Variants in ACBD4 observed in about 807,000 individuals in gnomAD.
ACBD4 encodes acyl-CoA-binding domain-containing protein 4.
ACBD4 carries 41 observed loss-of-function variants against 46.0 expected under a neutral mutation model. The observed-to-expected ratio is 0.89, with a 90% CI of 0.69 to 1.16. ACBD4 has a LOEUF of 1.16. Ranked by LOEUF, ACBD4 falls within the 50% of genes most tolerant of loss-of-function variation. The pLI is 0.00. For missense variants in ACBD4, 393 were observed against 399.5 expected (o/e 0.98, Z 0.14); for synonymous variants, 162 against 155.9 (o/e 1.04, Z -0.29).
Position 45,136,932 on chromosome 17 carries a change from G to T in ACBD4, c.295-87G>T, listed in dbSNP as rs765507806. The T allele has an allele frequency of 1.8e-4, 290 of 1,601,662 alleles. No homozygotes were observed. The highest frequency in any genetic ancestry group is 9.7e-4 in the Middle Eastern group (5 of 5,138). On this transcript the variant is annotated intron_variant, in intron 4 of 9. Transcript: ENST00000321854. ...CTGCCTATCTTTGGCCCCTGACTGG[G>T]CACAGGGTGGAGGTGTGTGACAGGG... is the stretch of plus-strand genomic sequence containing the variant.
chr17:45,138,026 T>C (rs749170866), intron 8 of ACBD4, 38 bp downstream of exon 8: 7 of 1,583,478 alleles, frequency 4.4e-6, no homozygotes, highest in Non-Finnish European at 6.0e-6. Flanking sequence ...CTTCTGCCCT[T>C]TCCCGTGGTC....
At chr17:45,132,449 C>T (rs924064104), upstream of ACBD4, 4 of 1,165,310 alleles carry the variant, frequency 3.4e-6, no homozygotes, top group African/African-American at 3.2e-5. The surrounding 1 kb of genome is among the most constrained non-coding windows in gnomAD (Gnocchi z 4.6). Context: ...GGGGTCTGCA[C>T]GCGGGGACAG....
rs200890764 is a variant in ACBD4 at position 45,137,085 on chromosome 17, C to T, written c.361C>T (p.Gln121Ter). 3.1e-6 allele frequency: 5 copies of T among 1,614,124 alleles called. No individual in the cohort carries two copies. The East Asian group carries it at 1.1e-4, about 36-fold the overall frequency. The change falls in exon 5 of 10, where the codon CAG (glutamine) becomes TAG (stop). Residue 121 changes from glutamine to a stop codon, truncating the protein, a stop_gained. Coordinates refer to ENST00000321854, the MANE Select transcript of ACBD4 (RefSeq NM_001135705.3). LOFTEE classifies it high-confidence loss of function. ...DMFGYFEPLY[Q>*]VIPDMPRPPE... Reference sequence around the variant, plus strand: ...GTTTGGTTACTTCGAGCCCCTGTACCAGGTGATCCCTGACATGCCGAGGCC... The same window carrying T: ...GTTTGGTTACTTCGAGCCCCTGTACTAGGTGATCCCTGACATGCCGAGGCC...
chr17:45,137,039 G>C lies in ACBD4; in HGVS notation c.315G>C (p.Leu105=). The C allele has an allele frequency of 1.2e-6, 2 of 1,614,146 alleles. No homozygotes were observed. The highest frequency in any genetic ancestry group is 1.7e-6 in the Non-Finnish European group (2 of 1,180,022). ...VAQKVIDTVP[L]GEVAEDMFGY... is the part of the protein sequence containing the mutation. Reference sequence around the variant, plus strand: ...TACAGGTGATCGACACAGTGCCCCTGGGTGAGGTGGCAGAGGACATGTTTG... The same window carrying C: ...TACAGGTGATCGACACAGTGCCCCTCGGTGAGGTGGCAGAGGACATGTTTG... The change falls in exon 5 of 10, where the codon CTG becomes CTC. Residue 105 remains leucine (L), a synonymous_variant. Transcript: ENST00000321854.
intron 8 of ACBD4, among the ~76,000 whole-genome samples, 172 bp from the exon 9 acceptor site, chr17:45,138,849 A>G (rs1001777184): frequency 3.3e-5 from 5 of 152,108 alleles, no homozygotes; most frequent in African/African-American, 9.7e-5. Context: ...CTGGGATTAA[A>G]CCCATAGCAG....
Position 45,136,094 on chromosome 17 carries a change from G to C in ACBD4, c.-37-14G>C. On this transcript the variant is annotated splice_polypyrimidine_tract_variant and intron_variant, in intron 1 of 9. Coordinates refer to ENST00000321854, the MANE Select transcript of ACBD4 (RefSeq NM_001135705.3). ...ACCCTGGAGGCCCCCTCACACGAAG[G>C]CTGCTTCTTGCAGAGTCGCTCAAAA... The C allele has an allele frequency of 6.3e-7, 1 of 1,597,212 alleles. No homozygotes were observed. The highest frequency in any genetic ancestry group is 8.5e-7 in the Non-Finnish European group (1 of 1,170,764).
In ACBD4 at chr17:45,137,279, A is replaced by T. The variant is rs1205645777; in HGVS notation, c.416-89A>T. 1.9e-6 allele frequency: 3 copies of T among 1,600,172 alleles called. No individual in the cohort carries two copies. In the East Asian group the frequency reaches 6.7e-5, roughly 36 times the overall value. ...CCCCGAGAGGTGGATCCCAGGCAGC[A>T]TCCACGGCTCATCACGAGTAGGGGC... On this transcript the variant is annotated intron_variant, in intron 5 of 9. Coordinates refer to ENST00000321854, the MANE Select transcript of ACBD4 (RefSeq NM_001135705.3).
At chr17:45,141,043 CA>C (rs1367178157) in intron 9 of ACBD4, among the ~76,000 whole-genome samples, 2 of 152,194 alleles carry the variant, frequency 1.3e-5, no homozygotes, top group African/African-American at 4.8e-5. Flanking sequence ...CCATATCTCT[CA>C]AAATAAGAAC....
intron 9 of ACBD4, 107 bp downstream of exon 9, chr17:45,139,267 C>A: frequency 8.8e-7 from 1 of 1,142,372 alleles, no homozygotes; most frequent in East Asian, 2.5e-5. Flanking sequence ...CACCTGCCCA[C>A]ATCTCTCTCC....
chr17:45,137,437 C>T lies in ACBD4; in HGVS notation c.485C>T (p.Pro162Leu), dbSNP rs377135057. 3.5e-4 allele frequency: 568 copies of T among 1,614,000 alleles called. 5 individuals are homozygous for T. In the South Asian group the frequency reaches 4.5e-3, roughly 13 times the overall value. Residue 162 changes from proline (P) to leucine (L), a missense_variant, in exon 6 of 10, where the codon CCG (proline) becomes CTG (leucine). Coordinates refer to ENST00000321854, the MANE Select transcript of ACBD4 (RefSeq NM_001135705.3). ...VSEPPCLPKE[P>L]APPSPESHSP... Reference sequence around the variant, plus strand: ...GAGCCTCCCTGCCTCCCCAAGGAACCGGCACCCCCAAGCCCAGGTTAGTGC... The same window carrying T: ...GAGCCTCCCTGCCTCCCCAAGGAACTGGCACCCCCAAGCCCAGGTTAGTGC...
chr17:45,136,861 C>G, intron 4 of ACBD4, 85 bp downstream of exon 4: 1 of 1,586,068 alleles, frequency 6.3e-7, no homozygotes, highest in Non-Finnish European at 8.6e-7. Flanking sequence ...GTTTCCTACA[C>G]ATGGACCCCC....
At chr17:45,133,573 C>G (rs1310346096), upstream of ACBD4, among the ~76,000 whole-genome samples, 1 of 130,924 alleles carries the variant, frequency 7.6e-6, no homozygotes, top group East Asian at 2.2e-4. Flanking sequence ...GCTCCGTCGC[C>G]CAGGCTGGAG....
intron 2 of ACBD4, 133 bp from the exon 3 acceptor site, chr17:45,136,367 T>G: frequency 6.8e-7 from 1 of 1,463,694 alleles, no homozygotes. Flanking sequence ...TTCCCTCCGC[T>G]TCCTATCCTA....
chr17:45,136,645 A>G lies in ACBD4; in HGVS notation c.209+25A>G. ...GGTGAGCTCCCTGCTGGCTGGGCAG[A>G]CAAGCCTCAGCTGTCAAGCAGCCCT... On this transcript the variant is annotated intron_variant, in intron 3 of 9. Transcript: ENST00000321854. 6.2e-7 allele frequency: 1 copy of G among 1,613,832 alleles called. No homozygotes were observed. Among genetic ancestry groups the G allele is most frequent in the Non-Finnish European group, 8.5e-7 (1 of 1,179,888 alleles).
chr17:45,137,573 T>G, intron 6 of ACBD4, 119 bp downstream of exon 6: 13 of 1,388,342 alleles, frequency 9.4e-6, no homozygotes, highest in Non-Finnish European at 1.2e-5. Flanking sequence ...CTCCCAAAGG[T>G]GGGGACCGGG....
chr17:45,137,148 C>T lies in ACBD4; in HGVS notation c.415+9C>T. 1 of 1,614,032 alleles carries T rather than the reference C, an allele frequency of 6.2e-7. No individual in the cohort carries two copies. Among genetic ancestry groups the T allele is most frequent in the Non-Finnish European group, 8.5e-7 (1 of 1,180,006 alleles). ...CCTGAGAAGGGTCACAGGTCAGACT[C>T]CCAGGCTGGGAGCTCCAAAAGTGCT... On this transcript the variant is annotated intron_variant, in intron 5 of 9. Coordinates refer to ENST00000321854, the MANE Select transcript of ACBD4 (RefSeq NM_001135705.3).
chr17:45,134,010 A>G (rs1411080610), upstream of ACBD4, among the ~76,000 whole-genome samples: 1 of 152,204 alleles, frequency 6.6e-6, no homozygotes, highest in East Asian at 1.9e-4. Flanking sequence ...AGAATTATGG[A>G]GAGGCATGTA....
chr17:45,143,565 G>T lies in ACBD4; in HGVS notation c.912G>T (p.Lys304Asn), dbSNP rs2055427493. The T allele has an allele frequency of 5.0e-6, 8 of 1,614,116 alleles. No individual in the cohort carries two copies. Among genetic ancestry groups the T allele is most frequent in the Middle Eastern group, 1.6e-4 (1 of 6,062 alleles). The change falls in exon 10 of 10, where the codon AAG becomes AAT. Residue 304 changes from lysine (K) to asparagine (N), a missense_variant. Coordinates refer to ENST00000321854, the MANE Select transcript of ACBD4 (RefSeq NM_001135705.3). ...TCTTCCGAATGTTTCGGACCCAAAAGAGGTGACTGTCAGTGGAGGGGTCTC... is the reference window on the plus strand; with the variant it reads ...TCTTCCGAATGTTTCGGACCCAAAATAGGTGACTGTCAGTGGAGGGGTCTC... ...QWLFRMFRTQ[K>N]R
chr17:45,138,064 C>A, intron 8 of ACBD4, 76 bp downstream of exon 8: 7 of 1,431,256 alleles, frequency 4.9e-6, no homozygotes, highest in Non-Finnish European at 6.7e-6. Context: ...CTCTTGGCTG[C>A]CTTCCTAGGG....
Sources: allele counts gnomAD v4.1 joint callset (sites outside exome capture counted in the v4.1 genomes callset), GRCh38; gene constraint gnomAD v4.1.1; non-coding constraint Gnocchi (gnomAD v3.1); transcripts MANE v1.5; gene names NCBI Gene and HGNC (gene_info 2026-07-23, HGNC 2026-07-21).